ROR1: variants seen among roughly 807,000 people sequenced by gnomAD.
The protein encoded by ROR1 is inactive tyrosine-protein kinase transmembrane receptor ROR1.
Under a neutral mutation model 78.8 loss-of-function variants are expected in ROR1, and 19 were observed. That is an observed-to-expected ratio of 0.24 (90% CI 0.17 to 0.35). The LOEUF (loss-of-function observed/expected upper bound fraction) is 0.35. Ranked by LOEUF, ROR1 falls within the 10% of genes least tolerant of loss-of-function variation. The pLI, the probability that ROR1 is intolerant of heterozygous loss-of-function variation, is 1.00. For synonymous variants in ROR1, 386 were observed against 433.6 expected (o/e 0.89, Z 1.36); for missense variants, 917 against 1,177.8 (o/e 0.78, Z 3.24).
chr1:63,836,094 T>C lies in ROR1; in HGVS notation c.91+61586T>C, dbSNP rs116513144. Among the ~76,000 whole-genome samples the C allele has an allele frequency of 5.7e-3, 874 of 152,318 alleles. 6 individuals carry two copies. Among genetic ancestry groups the C allele is most frequent in the African/African-American group, 0.02 (835 of 41,554 alleles). ...TTTGCTGCTTGCTTTTTGTAAACTA[T>C]TGCATTCCTTCCTCCCAATAGCCCC... On this transcript the variant is annotated intron_variant, in intron 1 of 8. Transcript: ENST00000371079.
At chr1:63,972,288 G>A (rs75309061) in intron 1 of ROR1, among the ~76,000 whole-genome samples, 5 of 151,974 alleles carry the variant, frequency 3.3e-5, no homozygotes, top group African/African-American at 4.8e-5. Context: ...TCACTTTTCC[G>A]ATGAGGAACC....
intron 7 of ROR1, among the ~76,000 whole-genome samples, chr1:64,146,823 A>G (rs1228440074): frequency 6.6e-6 from 1 of 152,232 alleles, no homozygotes; most frequent in African/African-American, 2.4e-5. Flanking sequence ...CATCTACAGG[A>G]TACCTACTAT....
intron 1 of ROR1, among the ~76,000 whole-genome samples, chr1:63,846,424 A>G (rs1013654961): frequency 1.3e-5 from 2 of 152,124 alleles, no homozygotes; most frequent in African/African-American, 4.8e-5. Context: ...CTTAATGTCA[A>G]GGTGGGGGCC....
chr1:63,838,976 A>G (rs1557520807), intron 1 of ROR1, among the ~76,000 whole-genome samples: 1 of 152,208 alleles, frequency 6.6e-6, no homozygotes, highest in African/African-American at 2.4e-5. Flanking sequence ...CCTAGGAGCA[A>G]TAGGCCATAT....
At chr1:63,915,176 G>A (rs1645599658) in intron 1 of ROR1, among the ~76,000 whole-genome samples, 1 of 152,148 alleles carries the variant, frequency 6.6e-6, no homozygotes, top group Admixed American at 6.5e-5. Flanking sequence ...AATAGTAAGT[G>A]GCAAAGTTAC....
chr1:63,829,702 C>T (rs367811310), intron 1 of ROR1, among the ~76,000 whole-genome samples: 1 of 152,058 alleles, frequency 6.6e-6, no homozygotes, highest in African/African-American at 2.4e-5. Context: ...GGATGTGGCT[C>T]GTGATATAGT....
intron 1 of ROR1, among the ~76,000 whole-genome samples, chr1:63,893,074 G>A (rs1645410679): frequency 6.6e-6 from 1 of 152,206 alleles, no homozygotes; most frequent in Non-Finnish European, 1.5e-5. Context: ...CGGTTTCCCT[G>A]TCTCTAGAGT....
At chr1:63,795,135 TG>T (rs1644752246) in intron 1 of ROR1, among the ~76,000 whole-genome samples, 1 of 152,040 alleles carries the variant, frequency 6.6e-6, no homozygotes, top group Non-Finnish European at 1.5e-5. Context: ...GTGGGAGGGT[TG>T]GCAGCCAGGC....
chr1:63,935,353 T>C (rs1291706767), intron 1 of ROR1, among the ~76,000 whole-genome samples: 1 of 152,206 alleles, frequency 6.6e-6, no homozygotes, highest in Non-Finnish European at 1.5e-5. Context: ...GACCAGGTCC[T>C]GTTTACCAGC....
chr1:64,034,651 T>TA (rs1308451581), intron 2 of ROR1, among the ~76,000 whole-genome samples: 1 of 152,190 alleles, frequency 6.6e-6, no homozygotes, highest in African/African-American at 2.4e-5. Flanking sequence ...TGGTGGCTAA[T>TA]ATCAGGTAAC....
chr1:64,155,349 C>T (rs560277791), intron 7 of ROR1, among the ~76,000 whole-genome samples: 19 of 152,322 alleles, frequency 1.2e-4, no homozygotes, highest in African/African-American at 4.3e-4. Context: ...TGGCCAAATG[C>T]AGAGAGCTGT....
chr1:63,825,744 A>C (rs1038194750), intron 1 of ROR1, among the ~76,000 whole-genome samples: 2 of 152,212 alleles, frequency 1.3e-5, no homozygotes, highest in Non-Finnish European at 2.9e-5. Context: ...CATCATGTGA[A>C]TGTTTTATTT....
intron 1 of ROR1, among the ~76,000 whole-genome samples, chr1:63,975,207 A>G (rs1229069477): frequency 6.6e-6 from 1 of 152,202 alleles, no homozygotes; most frequent in African/African-American, 2.4e-5. Flanking sequence ...AGGAAGAGGA[A>G]AAAAGAGGAT....
At chr1:64,145,260 C>T (rs1447356930) in intron 7 of ROR1, among the ~76,000 whole-genome samples, 3 of 151,820 alleles carry the variant, frequency 2.0e-5, no homozygotes, top group South Asian at 2.1e-4. Context: ...ATGTATGATA[C>T]AATAGAAGTT....
At chr1:64,072,792 C>T (rs959466645) in intron 4 of ROR1, among the ~76,000 whole-genome samples, 1 of 152,090 alleles carries the variant, frequency 6.6e-6, no homozygotes, top group Non-Finnish European at 1.5e-5. Context: ...CATGGCATGT[C>T]TGAGGGAGGG....
intron 4 of ROR1, among the ~76,000 whole-genome samples, chr1:64,078,975 A>G (rs1205257629): frequency 1.3e-5 from 2 of 152,212 alleles, no homozygotes; most frequent in African/African-American, 4.8e-5. Context: ...AATGACTGCT[A>G]GAGAGAAAGG....
intron 1 of ROR1, among the ~76,000 whole-genome samples, chr1:63,924,681 A>G (rs1645685101): frequency 6.6e-6 from 1 of 152,142 alleles, no homozygotes; most frequent in Admixed American, 6.6e-5. Context: ...GCCTTTACCG[A>G]GCTTAAAGTT....
In ROR1 at chr1:63,856,519, C is replaced by G. The variant is rs529431110; in HGVS notation, c.91+82011C>G. On this transcript the variant is annotated intron_variant, in intron 1 of 8. Coordinates refer to ENST00000371079, the MANE Select transcript of ROR1 (RefSeq NM_005012.4). ...ATTCTCTGTGGCTCTTTCTGCAGCT[C>G]TCTTTTCTCTGATACTTGGCCTTGC... Among the ~76,000 whole-genome samples the G allele has an allele frequency of 1.2e-4, 18 of 152,290 alleles. 1 individual carries two copies. The East Asian group carries it at 2.5e-3, about 21-fold the overall frequency.
In ROR1 at chr1:63,897,097, C is replaced by T. The variant is rs568307266; in HGVS notation, c.92-112208C>T. 6.6e-5 allele frequency among the ~76,000 whole-genome samples: 10 copies of T among 152,318 alleles called. No homozygotes were observed. The South Asian group carries it at 2.1e-3, about 32-fold the overall frequency. ...CCAGCTCTCAGGATTTTGCATTTCT[C>T]TTATTCACTATTGGTACTGCCCTTT... On this transcript the variant is annotated intron_variant, in intron 1 of 8. Transcript: ENST00000371079.
Sources: gnomAD v4.1 joint callset for allele counts (sites outside exome capture counted in the v4.1 genomes callset) on GRCh38, gnomAD v4.1.1 for gene constraint, MANE v1.5 for transcripts, NCBI Gene and HGNC (gene_info 2026-07-23, HGNC 2026-07-21) for gene names.